ACADM: variants seen among roughly 807,000 people sequenced by gnomAD.
ACADM encodes medium-chain specific acyl-CoA dehydrogenase, mitochondrial.
A neutral mutation model predicts 58.9 loss-of-function variants in ACADM; 49 were observed. The observed-to-expected ratio is 0.83, with a 90% CI of 0.66 to 1.06. The LOEUF (loss-of-function observed/expected upper bound fraction) is 1.06, where lower values mean the gene tolerates loss of function less well. Ranked by LOEUF, ACADM falls within the 50% of genes least tolerant of loss-of-function variation. ACADM has a pLI of 0.00. For synonymous variants in ACADM, 160 were observed against 157.7 expected (o/e 1.01, Z -0.11); for missense variants, 496 against 507.0 (o/e 0.98, Z 0.21).
intron 6 of ACADM, among the ~76,000 whole-genome samples, chr1:75,736,451 A>G (rs1430061456): frequency 8.1e-6 from 1 of 122,918 alleles, no homozygotes; most frequent in Non-Finnish European, 1.7e-5. Context: ...GGAAATTTGC[A>G]ATTTTTTTTA....
Position 75,745,712 on chromosome 1 carries a change from A to C in ACADM, c.600-94A>C, listed in dbSNP as rs1488112832. 3.1e-6 allele frequency: 3 copies of C among 967,630 alleles called. No individual in the cohort carries two copies. In the Admixed American group the frequency reaches 5.3e-5, roughly 17 times the overall value. 59.9% of individuals were successfully genotyped at this position (967,630 alleles called of 1,614,324 possible). A position where few individuals can be genotyped will look rare whatever the true frequency, so the allele number is the denominator to read the frequency against. On this transcript the variant is annotated intron_variant, in intron 7 of 11. Coordinates refer to ENST00000370841, the MANE Select transcript of ACADM (RefSeq NM_000016.6). The stretch of plus-strand genomic sequence containing the variant: ...CCTCATTTGTAAAATGTAGGTAATA[A>C]TAATTGGGATTGTTAAGAGAATTAA...
chr1:75,744,162 C>G lies in ACADM; in HGVS notation c.600-1644C>G. On this transcript the variant is annotated intron_variant, in intron 7 of 11. Coordinates refer to ENST00000370841, the MANE Select transcript of ACADM (RefSeq NM_000016.6). ...CCTGGCTCAGCTAGTGGTGGGACAG[C>G]AGTGGGTTTTACTGCAGACACAGGT... 4.4e-6 allele frequency: 7 copies of G among 1,574,084 alleles called. No individual in the cohort carries two copies. The South Asian group carries it at 6.6e-5, about 15-fold the overall frequency.
chr1:75,733,205 A>G (rs1647182298), intron 4 of ACADM: 4 of 1,592,332 alleles, frequency 2.5e-6, no homozygotes, highest in Non-Finnish European at 3.4e-6. Context: ...TATCTTCTAT[A>G]TTACATTTTA....
At chr1:75,729,270 TTTTC>T (rs1205517393) in intron 2 of ACADM, among the ~76,000 whole-genome samples, 12 of 146,960 alleles carry the variant, frequency 8.2e-5, no homozygotes, top group Non-Finnish European at 1.5e-4. Flanking sequence ...GAAATTTTTC[TTTTC>T]TTTTTCTTTC....
In ACADM at chr1:75,763,017, G is replaced by T; in HGVS notation, c.*254G>T. 3.5e-6 allele frequency: 1 copy of T among 285,444 alleles called. No homozygotes were observed. Among genetic ancestry groups the T allele is most frequent in the Non-Finnish European group, 6.6e-6 (1 of 151,446 alleles). 17.7% of individuals were successfully genotyped at this position (285,444 alleles called of 1,614,324 possible). A position where few individuals can be genotyped will look rare whatever the true frequency, so the allele number is the denominator to read the frequency against. ...TTACATTAACCTAGAAAACTACATA[G>T]GTTATTTTGATCTCTTAAGATTAAT... On this transcript the variant is annotated 3_prime_UTR_variant, in exon 12 of 12. Transcript: ENST00000370841.
chr1:75,761,036 G>A lies in ACADM; in HGVS notation c.946-86G>A, dbSNP rs753751446. ...AGCCTGGGCAACATAGCAAGACCCC[G>A]TCACTATAAAAATGAAAAAGCCCCA... On this transcript the variant is annotated intron_variant, in intron 10 of 11. Coordinates refer to ENST00000370841, the MANE Select transcript of ACADM (RefSeq NM_000016.6). 1.7e-4 allele frequency: 230 copies of A among 1,348,540 alleles called. 1 individual carries two copies. The highest frequency in any genetic ancestry group is 3.4e-4 in the South Asian group (27 of 78,958). The allele number at this position is 1,348,540 out of a possible 1,614,324, so 83.5% of individuals were successfully genotyped here.
At chr1:75,749,761 G>A (rs1648102922) in intron 9 of ACADM, among the ~76,000 whole-genome samples, 1 of 137,822 alleles carries the variant, frequency 7.3e-6, no homozygotes, top group Non-Finnish European at 1.5e-5. Flanking sequence ...TCACCAGGAT[G>A]GAGTGCAGTG....
intron 6 of ACADM, among the ~76,000 whole-genome samples, chr1:75,735,750 A>G (rs1167257662): frequency 6.6e-6 from 1 of 151,774 alleles, no homozygotes; most frequent in Non-Finnish European, 1.5e-5. Flanking sequence ...AGGCTGAGGC[A>G]TGAGAATCTC....
At position 75,744,485 on chromosome 1, in the gene ACADM, C is replaced by T; in HGVS notation, c.600-1321C>T. On this transcript the variant is annotated intron_variant, in intron 7 of 11. Coordinates refer to ENST00000370841, the MANE Select transcript of ACADM (RefSeq NM_000016.6). The stretch of plus-strand genomic sequence containing the variant: ...ATCTCACAAACCACTTCATCTTCTG[C>T]AACTGTGTCTCCAACAGCTTTCTCC... The T allele has an allele frequency of 2.0e-6, 3 of 1,535,772 alleles. No individual in the cohort carries two copies. The East Asian group carries it at 6.7e-5, about 35-fold the overall frequency.
chr1:75,758,118 A>G (rs1294314293), intron 10 of ACADM, among the ~76,000 whole-genome samples: 1 of 151,924 alleles, frequency 6.6e-6, no homozygotes, highest in Non-Finnish European at 1.5e-5. Flanking sequence ...GCTGGAGTGT[A>G]ATGGCGTAAT....
rs1647187193 is a variant in ACADM, at chr1:75,733,521, A to AGGGAGACCT, written c.287-7_287-6insGGGAGACCT. 1 of 1,606,098 alleles carries AGGGAGACCT rather than the reference A, an allele frequency of 6.2e-7. No individual in the cohort carries two copies. Among genetic ancestry groups the AGGGAGACCT allele is most frequent in the African/African-American group, 1.3e-5 (1 of 74,748 alleles). The stretch of plus-strand genomic sequence containing the variant: ...TTACAATGTGTTGAAACATTTTGAT[A>AGGGAGACCT]CTGTAGGAGGTCTTGGACTTGGAAC... On this transcript the variant is annotated splice_polypyrimidine_tract_variant and splice_region_variant and intron_variant, in intron 4 of 11. Coordinates refer to ENST00000370841, the MANE Select transcript of ACADM (RefSeq NM_000016.6).
intron 10 of ACADM, among the ~76,000 whole-genome samples, chr1:75,756,591 G>A (rs188584263): frequency 2.6e-5 from 4 of 152,318 alleles, no homozygotes; most frequent in South Asian, 2.1e-4. Flanking sequence ...AACATTCCAT[G>A]CTCATGGGTA....
chr1:75,744,885 A>G (rs1165822433), intron 7 of ACADM: 1 of 380,940 alleles, frequency 2.6e-6, no homozygotes, highest in Non-Finnish European at 5.0e-6. Flanking sequence ...TTGGGAAAGA[A>G]AAAGTGCCAG....
chr1:75,757,601 G>C (rs1453280344), intron 10 of ACADM, among the ~76,000 whole-genome samples: 2 of 152,230 alleles, frequency 1.3e-5, no homozygotes, highest in Non-Finnish European at 2.9e-5. Flanking sequence ...CTTTTACACT[G>C]TTGGTGGGAC....
At chr1:75,733,073 G>C in intron 4 of ACADM, 151 bp downstream of exon 4, 1 of 1,612,988 alleles carries the variant, frequency 6.2e-7, no homozygotes, top group Non-Finnish European at 8.5e-7. Context: ...GCCCACTTTT[G>C]GAAGCTTGCA....
Position 75,732,935 on chromosome 1 carries a change from T to C in ACADM, c.286+13T>C. 6.2e-7 allele frequency: 1 copy of C among 1,613,666 alleles called. No homozygotes were observed. The highest frequency in any genetic ancestry group is 1.3e-5 in the African/African-American group (1 of 75,036). ...CCAGAGAACTGTGGTAAGCTTTCTT[T>C]ATATTTTTAATACTGGAATGCATAT... On this transcript the variant is annotated intron_variant, in intron 4 of 11. Coordinates refer to ENST00000370841, the MANE Select transcript of ACADM (RefSeq NM_000016.6).
Position 75,732,751 on chromosome 1 carries a change from T to C in ACADM, c.216+10T>C, listed in dbSNP as rs2275378. On this transcript the variant is annotated intron_variant, in intron 3 of 11. Transcript: ENST00000370841. Reference sequence around the variant, plus strand: ...TGATAAAACTGGTGAAGTAGGTATATACATTTTAAAGAGGGAAAAATCTTT... The same window carrying C: ...TGATAAAACTGGTGAAGTAGGTATACACATTTTAAAGAGGGAAAAATCTTT... 0.31 allele frequency: 497,963 copies of C among 1,609,978 alleles called. 80,049 individuals are homozygous for C. Among genetic ancestry groups the C allele is most frequent in the Non-Finnish European group, 0.33 (393,283 of 1,176,352 alleles).
chr1:75,725,293 A>G (rs1250874), intron 1 of ACADM, among the ~76,000 whole-genome samples: 56,781 of 151,880 alleles, frequency 0.37, 11,663 homozygotes, highest in African/African-American at 0.55. Flanking sequence ...ACTTGTGTGT[A>G]TATTCTAGTA....
rs1648445461 is a variant in ACADM, at chr1:75,755,381, A to T, written c.945+4835A>T. 2.6e-5 allele frequency among the ~76,000 whole-genome samples: 4 copies of T among 152,178 alleles called. No homozygotes were observed. In the South Asian group the frequency reaches 6.2e-4, roughly 24 times the overall value. ...CCCAGTAGGGGCCGATTGACACCTCATACGTCCGGGTGCCCCTCTGAGACG... is the reference window on the plus strand; with the variant it reads ...CCCAGTAGGGGCCGATTGACACCTCTTACGTCCGGGTGCCCCTCTGAGACG... On this transcript the variant is annotated intron_variant, in intron 10 of 11. Coordinates refer to ENST00000370841, the MANE Select transcript of ACADM (RefSeq NM_000016.6).
Sources: allele counts gnomAD v4.1 joint callset (sites outside exome capture counted in the v4.1 genomes callset), GRCh38; gene constraint gnomAD v4.1.1; transcripts MANE v1.5; gene names NCBI Gene and HGNC (gene_info 2026-07-23, HGNC 2026-07-21).